Variants in SH3RF3 observed in about 807,000 individuals in gnomAD.
SH3RF3 encodes E3 ubiquitin-protein ligase SH3RF3.
Under a neutral mutation model 66.3 loss-of-function variants are expected in SH3RF3, and 29 were observed. The observed-to-expected ratio is 0.44, with a 90% confidence interval of 0.33 to 0.60. The LOEUF (loss-of-function observed/expected upper bound fraction) is 0.60. Among genes scored for constraint, SH3RF3 ranks in the 20% least tolerant of loss-of-function variants. The pLI, the probability that SH3RF3 is intolerant of heterozygous loss-of-function variation, is 0.04. For synonymous variants in SH3RF3, 583 were observed against 532.0 expected (o/e 1.10, Z -1.32); for missense variants, 1,194 against 1,190.9 (o/e 1.00, Z -0.04).
chr2:109,169,524 C>A (rs1448311275), intron 1 of SH3RF3, among the ~76,000 whole-genome samples: 1 of 151,942 alleles, frequency 6.6e-6, no homozygotes, highest in African/African-American at 2.4e-5. Context: ...GGTCATGGGT[C>A]CATTTTCATT....
intron 9 of SH3RF3, among the ~76,000 whole-genome samples, chr2:109,494,930 GA>G (rs1679221172): frequency 1.3e-5 from 2 of 152,092 alleles, no homozygotes; most frequent in African/African-American, 4.8e-5. Flanking sequence ...GCTCCTCTGA[GA>G]AAGGACTAGG....
chr2:109,424,531 G>T (rs148321384), intron 5 of SH3RF3, among the ~76,000 whole-genome samples: 4 of 152,298 alleles, frequency 2.6e-5, no homozygotes, highest in African/African-American at 9.6e-5. Context: ...CAAGTCTAGT[G>T]GTGCCATTTT....
chr2:109,351,824 C>T (rs1019880221), intron 2 of SH3RF3, among the ~76,000 whole-genome samples: 3 of 152,244 alleles, frequency 2.0e-5, no homozygotes, highest in Admixed American at 6.5e-5. Flanking sequence ...ATCTCACCCT[C>T]GATTTGTCCT....
At chr2:109,341,277 A>G (rs1381035413) in intron 1 of SH3RF3, among the ~76,000 whole-genome samples, 1 of 152,274 alleles carries the variant, frequency 6.6e-6, no homozygotes, top group African/African-American at 2.4e-5. Context: ...TTGCAGTGTG[A>G]TAACAGTAAC....
At chr2:109,138,967 CAT>C (rs1425643471) in intron 1 of SH3RF3, among the ~76,000 whole-genome samples, 2 of 152,112 alleles carry the variant, frequency 1.3e-5, no homozygotes, top group African/African-American at 2.4e-5. Context: ...TATCTCTTGA[CAT>C]GTGGTAATAA....
chr2:109,213,778 C>CTGTGG (rs989051768), intron 1 of SH3RF3, among the ~76,000 whole-genome samples: 6 of 152,220 alleles, frequency 3.9e-5, no homozygotes, highest in South Asian at 4.1e-4. Context: ...CGTGGTCTCA[C>CTGTGG]TGTGGTGTGG....
intron 3 of SH3RF3, among the ~76,000 whole-genome samples, chr2:109,373,181 G>A (rs112372921): frequency 3.3e-5 from 5 of 152,188 alleles, no homozygotes; most frequent in African/African-American, 1.2e-4. Context: ...AAGTTTCCAT[G>A]TATTTGCACA....
At chr2:109,451,978 G>A (rs536697697) in intron 8 of SH3RF3, among the ~76,000 whole-genome samples, 1 of 152,346 alleles carries the variant, frequency 6.6e-6, no homozygotes, top group African/African-American at 2.4e-5. Context: ...CCCCAGCAGA[G>A]AAGCACATTG....
At chr2:109,485,711 G>A (rs1387090565) in intron 8 of SH3RF3, among the ~76,000 whole-genome samples, 1 of 152,270 alleles carries the variant, frequency 6.6e-6, no homozygotes, top group Non-Finnish European at 1.5e-5. Flanking sequence ...TTCAGGCTGT[G>A]TGTGTGACTG....
chr2:109,280,661 T>C (rs2105341377), intron 1 of SH3RF3, among the ~76,000 whole-genome samples: 1 of 152,348 alleles, frequency 6.6e-6, no homozygotes, highest in African/African-American at 2.4e-5. Flanking sequence ...TTTGAGAGCA[T>C]TCGGGTAATG....
intron 1 of SH3RF3, among the ~76,000 whole-genome samples, chr2:109,269,603 A>G (rs1464808081): frequency 6.6e-6 from 1 of 152,182 alleles, no homozygotes; most frequent in African/African-American, 2.4e-5. Flanking sequence ...CAACACGGTG[A>G]AACCCCATCT....
chr2:109,401,520 A>G (rs377084108), intron 4 of SH3RF3, among the ~76,000 whole-genome samples: 1 of 152,342 alleles, frequency 6.6e-6, no homozygotes, highest in African/African-American at 2.4e-5. Context: ...TATCCTGACA[A>G]GTATCTGGCC....
chr2:109,135,673 GGT>G (rs977872970), intron 1 of SH3RF3, among the ~76,000 whole-genome samples: 8 of 151,862 alleles, frequency 5.3e-5, no homozygotes, highest in East Asian at 1.9e-4. Flanking sequence ...TGCATGGGGG[GGT>G]GTGTGTGTGT....
intron 5 of SH3RF3, among the ~76,000 whole-genome samples, chr2:109,422,494 C>G (rs1339780339): frequency 6.6e-6 from 1 of 152,186 alleles, no homozygotes. Flanking sequence ...TCCCTAAGGG[C>G]TCAGTTGCCC....
At chr2:109,249,710 C>T (rs187374782) in intron 1 of SH3RF3, among the ~76,000 whole-genome samples, 9 of 150,588 alleles carry the variant, frequency 6.0e-5, no homozygotes, top group African/African-American at 1.2e-4. Context: ...TACAGTGGTG[C>T]GATCTCAGCT....
At chr2:109,249,536 C>CTTTCTTTTTCTTTCTTTCT (rs1273437959) in intron 1 of SH3RF3, among the ~76,000 whole-genome samples, 73 of 74,094 alleles carry the variant, frequency 9.9e-4, no homozygotes, top group Non-Finnish European at 1.4e-3. Flanking sequence ...TCTTTCTTTC[C>CTTTCTTTTTCTTTCTTTCT]TTCCTTCCTT....
At chr2:109,337,176 A>G (rs1345016847) in intron 1 of SH3RF3, among the ~76,000 whole-genome samples, 2 of 152,066 alleles carry the variant, frequency 1.3e-5, no homozygotes, top group Non-Finnish European at 2.9e-5. Flanking sequence ...TCATAGGGTG[A>G]TTTTTTCCTG....
At chr2:109,454,680 T>C (rs1436082483) in intron 8 of SH3RF3, among the ~76,000 whole-genome samples, 1 of 152,128 alleles carries the variant, frequency 6.6e-6, no homozygotes, top group Non-Finnish European at 1.5e-5. Flanking sequence ...ATAAACAGAA[T>C]GAAACAGGGT....
intron 1 of SH3RF3, among the ~76,000 whole-genome samples, chr2:109,318,208 C>T (rs1574570347): frequency 6.6e-6 from 1 of 151,890 alleles, no homozygotes; most frequent in South Asian, 2.1e-4. Flanking sequence ...TTGGCAAATG[C>T]CGAGATTGTA....
Sources: allele counts gnomAD v4.1 joint callset (sites outside exome capture counted in the v4.1 genomes callset), GRCh38; gene constraint gnomAD v4.1.1; transcripts MANE v1.5; gene names NCBI Gene and HGNC (gene_info 2026-07-23, HGNC 2026-07-21).